Variants in PID1 observed in about 807,000 individuals in gnomAD.
PID1 encodes the protein PTB-containing, cubilin and LRP1-interacting protein.
PID1 carries 10 observed loss-of-function variants against 19.1 expected under a neutral mutation model. The observed-to-expected ratio is 0.52, with a 90% CI of 0.32 to 0.89. The LOEUF (loss-of-function observed/expected upper bound fraction) is 0.89. Ranked by LOEUF, PID1 falls within the 40% of genes least tolerant of loss-of-function variation. The pLI is 0.03. For missense variants in PID1, 248 were observed against 285.3 expected (o/e 0.87, Z 0.94); for synonymous variants, 130 against 116.0 (o/e 1.12, Z -0.78).
At chr2:229,114,113 TTCTCTC>T (rs59302884) in intron 2 of PID1, among the ~76,000 whole-genome samples, 4,265 of 138,958 alleles carry the variant, frequency 0.031, 220 homozygotes, top group African/African-American at 0.11. Flanking sequence ...CTCTCTCTCT[TTCTCTC>T]TCTCTCTCTC....
intron 1 of PID1, among the ~76,000 whole-genome samples, chr2:229,264,475 G>A (rs1182096112): frequency 2.0e-5 from 3 of 152,172 alleles, no homozygotes; most frequent in African/African-American, 7.2e-5. Context: ...CACAAGGTAT[G>A]TGGCCCCCAA....
intron 1 of PID1, among the ~76,000 whole-genome samples, chr2:229,180,157 A>G (rs913055907): frequency 6.6e-6 from 1 of 152,094 alleles, no homozygotes; most frequent in Non-Finnish European, 1.5e-5. Context: ...AAGTGACCTA[A>G]TTTTTTCTAG....
intron 1 of PID1, among the ~76,000 whole-genome samples, chr2:229,263,790 A>G (rs1006749743): frequency 2.0e-5 from 3 of 152,232 alleles, no homozygotes; most frequent in Non-Finnish European, 4.4e-5. Flanking sequence ...CAAGAGGCAC[A>G]GTGCTTAGGA....
chr2:229,119,857 G>A (rs1695482398), intron 2 of PID1, among the ~76,000 whole-genome samples: 3 of 152,138 alleles, frequency 2.0e-5, no homozygotes, highest in Admixed American at 2.0e-4. Flanking sequence ...GGGCCTAAAA[G>A]CAAGAAAAAT....
intron 1 of PID1, among the ~76,000 whole-genome samples, chr2:229,247,039 G>C (rs1690023083): frequency 6.6e-6 from 1 of 151,922 alleles, no homozygotes; most frequent in South Asian, 2.1e-4. Flanking sequence ...AAACAGAAAG[G>C]GAATATAAAT....
intron 2 of PID1, among the ~76,000 whole-genome samples, chr2:229,147,960 G>C (rs1690170302): frequency 6.6e-6 from 1 of 152,112 alleles, no homozygotes; most frequent in Admixed American, 6.6e-5. Context: ...CCCTCCATGG[G>C]ACAACAGCTC....
chr2:229,171,248 C>A (rs1480954025), intron 1 of PID1, among the ~76,000 whole-genome samples: 2 of 152,158 alleles, frequency 1.3e-5, no homozygotes, highest in African/African-American at 2.4e-5. Flanking sequence ...ATCATCTTGG[C>A]AGTTTGGGAA....
At chr2:229,149,394 TTCAAA>T (rs1164220769) in intron 2 of PID1, among the ~76,000 whole-genome samples, 1 of 152,128 alleles carries the variant, frequency 6.6e-6, no homozygotes, top group African/African-American at 2.4e-5. Flanking sequence ...TACACTTACA[TTCAAA>T]TCAAGAGTCC....
intron 1 of PID1, among the ~76,000 whole-genome samples, chr2:229,214,458 T>C (rs1574728139): frequency 1.3e-5 from 2 of 152,280 alleles, no homozygotes; most frequent in South Asian, 2.1e-4. Flanking sequence ...CCTGAGGATA[T>C]TGAAGGCTTC....
At chr2:229,142,810 T>G (rs1690043543) in intron 2 of PID1, among the ~76,000 whole-genome samples, 1 of 152,032 alleles carries the variant, frequency 6.6e-6, no homozygotes, top group South Asian at 2.1e-4. Context: ...GATCTAGAAC[T>G]AGAAATACCA....
chr2:229,152,954 C>T (rs1690288197), intron 2 of PID1, among the ~76,000 whole-genome samples: 1 of 152,146 alleles, frequency 6.6e-6, no homozygotes, highest in African/African-American at 2.4e-5. Flanking sequence ...GCTGGCCCTG[C>T]AGCTGGGCCC....
chr2:229,147,721 T>C (rs1425236602), intron 2 of PID1, among the ~76,000 whole-genome samples: 1 of 152,198 alleles, frequency 6.6e-6, no homozygotes, highest in Non-Finnish European at 1.5e-5. Context: ...GTTTTCCCAT[T>C]TTTTCACTAA....
At chr2:229,215,947 C>T (rs1050985868) in intron 1 of PID1, among the ~76,000 whole-genome samples, 4 of 152,070 alleles carry the variant, frequency 2.6e-5, no homozygotes, top group Admixed American at 1.3e-4. Context: ...AAATCAAAAT[C>T]GTTTGTGAGA....
chr2:229,103,594 T>C (rs1353007371), intron 2 of PID1, among the ~76,000 whole-genome samples: 2 of 147,076 alleles, frequency 1.4e-5, no homozygotes, highest in Non-Finnish European at 3.0e-5. Context: ...TTTTTTTTTT[T>C]TGAGACAGAG....
At chr2:229,084,216 G>A (rs1245969040) in intron 2 of PID1, among the ~76,000 whole-genome samples, 2 of 152,144 alleles carry the variant, frequency 1.3e-5, no homozygotes, top group African/African-American at 4.8e-5. Flanking sequence ...GGGATAGAGA[G>A]GTGACAAGGT....
chr2:229,047,658 C>T (rs1048532953), intron 2 of PID1, among the ~76,000 whole-genome samples: 2 of 152,164 alleles, frequency 1.3e-5, no homozygotes, highest in Admixed American at 1.3e-4. Context: ...TAAATTCTCA[C>T]AGTAGCCTTG....
At chr2:229,148,996 G>A (rs1001881838) in intron 2 of PID1, among the ~76,000 whole-genome samples, 1 of 150,758 alleles carries the variant, frequency 6.6e-6, no homozygotes, top group Non-Finnish European at 1.5e-5. Flanking sequence ...TCTGAATTTA[G>A]ATGAAAATAT....
chr2:229,065,215 G>A (rs1404148056), intron 2 of PID1, among the ~76,000 whole-genome samples: 1 of 152,076 alleles, frequency 6.6e-6, no homozygotes, highest in Non-Finnish European at 1.5e-5. Context: ...CTCTTCTTTT[G>A]ACCGCCAGCC....
At chr2:229,217,683 A>G (rs1691878436) in intron 1 of PID1, among the ~76,000 whole-genome samples, 1 of 152,336 alleles carries the variant, frequency 6.6e-6, no homozygotes, top group East Asian at 1.9e-4. Context: ...GAGATACTCA[A>G]TGTGAAATGA....
Sources: allele counts gnomAD v4.1 joint callset (sites outside exome capture counted in the v4.1 genomes callset), GRCh38; gene constraint gnomAD v4.1.1; transcripts MANE v1.5; gene names NCBI Gene and HGNC (gene_info 2026-07-23, HGNC 2026-07-21).